The following ZNRF2 variants were observed in gnomAD, a reference collection of about 807,000 sequenced individuals.
The protein encoded by ZNRF2 is E3 ubiquitin-protein ligase ZNRF2.
A neutral mutation model predicts 20.4 loss-of-function variants in ZNRF2; 16 were observed. The observed-to-expected ratio is 0.79, with a 90% CI of 0.53 to 1.19. The LOEUF (loss-of-function observed/expected upper bound fraction) is 1.19. ZNRF2 is among the 50% of genes most tolerant of loss of function. The pLI is 0.00. For missense variants in ZNRF2, 363 were observed against 332.4 expected, an observed-to-expected ratio of 1.09 and a Z score of -0.72; for synonymous variants, 178 against 144.9, an observed-to-expected ratio of 1.23 and a Z score of -1.64.
intron 1 of ZNRF2, among the ~76,000 whole-genome samples, chr7:30,295,330 A>G (rs1360857456): frequency 2.0e-5 from 3 of 152,100 alleles, no homozygotes; most frequent in African/African-American, 7.2e-5. Context: ...TTCTGTTATT[A>G]TGGGGAAGAG....
chr7:30,352,882 T>C (rs1169314972), intron 2 of ZNRF2, among the ~76,000 whole-genome samples: 1 of 152,098 alleles, frequency 6.6e-6, no homozygotes, highest in African/African-American at 2.4e-5. Flanking sequence ...GGTCCTGTTT[T>C]TAAGTATGAA....
At chr7:30,330,193 A>G (rs537702897) in intron 2 of ZNRF2, among the ~76,000 whole-genome samples, 32 of 152,276 alleles carry the variant, frequency 2.1e-4, no homozygotes, top group African/African-American at 7.2e-4. Flanking sequence ...TGTGGTTGGT[A>G]CTATGTTTGT....
intron 1 of ZNRF2, 113 bp downstream of exon 1, chr7:30,285,939 G>C (rs1798779606): frequency 7.5e-7 from 1 of 1,326,418 alleles, no homozygotes; most frequent in Non-Finnish European, 9.6e-7. Flanking sequence ...GGCGCCGGGG[G>C]CTGCCTCCCG....
chr7:30,349,626 T>G (rs1799933924), intron 2 of ZNRF2, among the ~76,000 whole-genome samples: 1 of 152,054 alleles, frequency 6.6e-6, no homozygotes, highest in South Asian at 2.1e-4. Context: ...ATTGCTGGAC[T>G]CTTTTATTGC....
At chr7:30,358,717 G>A (rs1422153381) in intron 3 of ZNRF2, among the ~76,000 whole-genome samples, 2 of 152,218 alleles carry the variant, frequency 1.3e-5, no homozygotes, top group African/African-American at 4.8e-5. Context: ...CCAGTGGAAC[G>A]GAATGGAGTC....
intron 4 of ZNRF2, among the ~76,000 whole-genome samples, chr7:30,364,933 G>A (rs930249502): frequency 6.6e-6 from 1 of 152,040 alleles, no homozygotes; most frequent in African/African-American, 2.4e-5. Context: ...AGGGCTCATT[G>A]CTCATTTATG....
intron 1 of ZNRF2, among the ~76,000 whole-genome samples, chr7:30,309,829 T>A (rs561269100): frequency 6.6e-6 from 1 of 152,216 alleles, no homozygotes; most frequent in South Asian, 2.1e-4. Flanking sequence ...TAAAATGTTA[T>A]GTAATTTATT....
rs545421828 is a variant in ZNRF2 at position 30,315,081 on chromosome 7, G to A, written c.470-8561G>A. Among the ~76,000 whole-genome samples the A allele has an allele frequency of 4.6e-5, 7 of 152,250 alleles. No homozygotes were observed. In the South Asian group the frequency reaches 1.5e-3, roughly 32 times the overall value. On this transcript the variant is annotated intron_variant, in intron 1 of 4. Transcript: ENST00000323037. ...TCTGCCCACCTCAGCCTCCCAAAGT[G>A]CTGGGATTACAGGTGTGAGCCACCA...
chr7:30,308,223 C>G (rs1475589244), intron 1 of ZNRF2, among the ~76,000 whole-genome samples: 1 of 151,988 alleles, frequency 6.6e-6, no homozygotes. Context: ...TTGTAAGATT[C>G]ATTTATACTG....
At position 30,285,397 on chromosome 7, in the gene ZNRF2, C is replaced by T; in HGVS notation, c.40C>T (p.Arg14Cys). Residue 14 changes from arginine (R) to cysteine (C), a missense_variant, in exon 1 of 5, where the codon CGC (arginine) becomes TGC (cysteine). Physicochemically the swap from Arg to Cys is radical, Grantham distance 180 (BLOSUM62 -3). Coordinates refer to ENST00000323037, the MANE Select transcript of ZNRF2 (RefSeq NM_147128.4). ...GAGCGGCCCGGCCGCCGCTAACGGC[C>T]GCACGCGCGCGTACTCGGGCTCGGA... ...KQSGPAAANGRTRAYSGSDLP... is the reference protein window; with the variant it reads ...KQSGPAAANGCTRAYSGSDLP... 1 of 1,259,098 alleles carries T rather than the reference C, an allele frequency of 7.9e-7. No individual in the cohort carries two copies. The allele number at this position is 1,259,098 out of a possible 1,614,324, so 78.0% of individuals were successfully genotyped here. A position where few individuals can be genotyped will look rare whatever the true frequency, so the allele number is the denominator to read the frequency against.
intron 2 of ZNRF2, among the ~76,000 whole-genome samples, chr7:30,334,357 C>T (rs1284354582): frequency 1.3e-5 from 2 of 152,024 alleles, no homozygotes; most frequent in African/African-American, 2.4e-5. Context: ...GTCTTTGTGT[C>T]TATTTTTGTA....
intron 1 of ZNRF2, among the ~76,000 whole-genome samples, chr7:30,287,402 A>G (rs1188896919): frequency 6.6e-6 from 1 of 152,252 alleles, no homozygotes; most frequent in African/African-American, 2.4e-5. Flanking sequence ...AAGGGTGAAT[A>G]GGAAAAGCCT....
At chr7:30,354,953 TA>T (rs1800014272) in intron 2 of ZNRF2, among the ~76,000 whole-genome samples, 1 of 152,208 alleles carries the variant, frequency 6.6e-6, no homozygotes, top group African/African-American at 2.4e-5. Flanking sequence ...ATTTTCAGTA[TA>T]AAACATGGAT....
chr7:30,315,921 A>G (rs953107557), intron 1 of ZNRF2, among the ~76,000 whole-genome samples: 1 of 152,152 alleles, frequency 6.6e-6, no homozygotes, highest in African/African-American at 2.4e-5. Flanking sequence ...GCTACAAAAA[A>G]TAGATCATAA....
At chr7:30,349,702 C>G (rs1226743754) in intron 2 of ZNRF2, among the ~76,000 whole-genome samples, 3 of 151,902 alleles carry the variant, frequency 2.0e-5, no homozygotes, top group Admixed American at 2.0e-4. Context: ...CAGTAATAAG[C>G]TTGAAAATCA....
chr7:30,305,102 C>T (rs1660657517), intron 1 of ZNRF2, among the ~76,000 whole-genome samples: 1 of 152,164 alleles, frequency 6.6e-6, no homozygotes, highest in East Asian at 1.9e-4. Context: ...TGTGCAGTTG[C>T]ACATCTCTTT....
rs1183203306 is a variant in ZNRF2, at chr7:30,366,201, A to G, written c.*189A>G. On this transcript the variant is annotated 3_prime_UTR_variant, in exon 5 of 5. Coordinates refer to ENST00000323037, the MANE Select transcript of ZNRF2 (RefSeq NM_147128.4). ...GTAAAAAAACCCTGCTGAAGAGAGG[A>G]CAGTGACCACAGAACTCAGTGTACC... 1 of 152,586 alleles carries G rather than the reference A, an allele frequency of 6.6e-6. No homozygotes were observed. Among genetic ancestry groups the G allele is most frequent in the Non-Finnish European group, 1.5e-5 (1 of 68,010 alleles). The allele number at this position is 152,586 out of a possible 1,614,324, so 9.5% of individuals were successfully genotyped here. A position where few individuals can be genotyped will look rare whatever the true frequency, so the allele number is the denominator to read the frequency against.
intron 2 of ZNRF2, among the ~76,000 whole-genome samples, chr7:30,352,735 T>C (rs963212282): frequency 6.6e-6 from 1 of 152,062 alleles, no homozygotes; most frequent in African/African-American, 2.4e-5. Context: ...CCCCAAGATA[T>C]TCCAGTTCTG....
chr7:30,331,345 AAAT>A (rs1446070115), intron 2 of ZNRF2, among the ~76,000 whole-genome samples: 1 of 152,214 alleles, frequency 6.6e-6, no homozygotes, highest in African/African-American at 2.4e-5. Flanking sequence ...ATATGGGAAA[AAAT>A]AAGACACTGT....
Sources: allele counts gnomAD v4.1 joint callset (sites outside exome capture counted in the v4.1 genomes callset), GRCh38; gene constraint gnomAD v4.1.1; transcripts MANE v1.5; gene names NCBI Gene and HGNC (gene_info 2026-07-23, HGNC 2026-07-21).